The following CSMD2 variants were observed in gnomAD, a reference collection of about 807,000 sequenced individuals.
The protein encoded by CSMD2 is CUB and Sushi multiple domains 2.
A neutral mutation model predicts 398.5 loss-of-function variants in CSMD2; 130 were observed. The observed-to-expected ratio is 0.33, with a 90% CI of 0.28 to 0.38. The LOEUF is 0.38. CSMD2 is among the 10% of genes least tolerant of loss of function. The probability of loss-of-function intolerance (pLI) is 1.00; values close to 1 mark genes in which losing one functional copy is unlikely to be tolerated. For synonymous variants in CSMD2, 1,828 were observed against 1,908.5 expected, an observed-to-expected ratio of 0.96 and a Z score of 1.10; for missense variants, 3,829 against 4,764.9, an observed-to-expected ratio of 0.80 and a Z score of 5.78.
At chr1:33,687,298 G>C (rs1226720800) in intron 25 of CSMD2, among the ~76,000 whole-genome samples, 1 of 152,188 alleles carries the variant, frequency 6.6e-6, no homozygotes, top group East Asian at 1.9e-4. Flanking sequence ...TATTCTCAGG[G>C]ATACAAGATG....
intron 51 of CSMD2, among the ~76,000 whole-genome samples, chr1:33,569,880 G>A (rs976046771): frequency 2.0e-5 from 3 of 152,152 alleles, no homozygotes; most frequent in African/African-American, 4.8e-5. Flanking sequence ...GCGATTCTGT[G>A]GTATGCTCCT....
intron 24 of CSMD2, among the ~76,000 whole-genome samples, chr1:33,698,465 C>T (rs1490734460): frequency 2.6e-5 from 4 of 152,168 alleles, no homozygotes; most frequent in African/African-American, 9.7e-5. Flanking sequence ...TCGCTATCAC[C>T]CGCGTTACAA....
chr1:33,610,914 G>T, intron 41 of CSMD2, 127 bp downstream of exon 41: 2 of 826,110 alleles, frequency 2.4e-6, no homozygotes, highest in Non-Finnish European at 1.9e-6. Context: ...TCCCTGACTG[G>T]GCCTGCCACC....
chr1:33,803,676 G>A (rs1655882244), intron 10 of CSMD2, among the ~76,000 whole-genome samples: 1 of 152,144 alleles, frequency 6.6e-6, no homozygotes, highest in African/African-American at 2.4e-5. Context: ...TCTCTCATCT[G>A]TTTTCCCCTC....
intron 10 of CSMD2, among the ~76,000 whole-genome samples, chr1:33,799,347 A>G (rs897480743): frequency 6.6e-6 from 1 of 152,222 alleles, no homozygotes; most frequent in Non-Finnish European, 1.5e-5. Context: ...CTGGGCTCCC[A>G]GGTACCCCAG....
intron 5 of CSMD2, among the ~76,000 whole-genome samples, chr1:33,895,947 G>A (rs1427038093): frequency 1.3e-5 from 2 of 152,122 alleles, no homozygotes; most frequent in African/African-American, 4.8e-5. Context: ...AGTCCCTGAT[G>A]AGATACCGTC....
chr1:33,750,600 A>G (rs913588141), intron 13 of CSMD2, among the ~76,000 whole-genome samples: 7 of 152,324 alleles, frequency 4.6e-5, no homozygotes, highest in African/African-American at 1.4e-4. Flanking sequence ...AACATATTAT[A>G]AAGCTGTAAT....
chr1:33,625,162 C>A lies in CSMD2; in HGVS notation c.5389G>T (p.Val1797Phe). The A allele has an allele frequency of 6.3e-7, 1 of 1,595,808 alleles. No homozygotes were observed. The highest frequency in any genetic ancestry group is 2.3e-5 in the East Asian group (1 of 44,078). Residue 1797 changes from valine to phenylalanine, a missense_variant, in exon 34 of 71, where the codon GTC (valine) becomes TTC (phenylalanine). Val to Phe is a conservative substitution (Grantham distance 50). This residue lies in a region of CSMD2 where 2,001 missense variants were observed against 2,567.1 expected (regional missense o/e 0.78). Transcript: ENST00000373381. ...LGSDFSVGAIVRFECNSGYAL... is the reference protein window; with the variant it reads ...LGSDFSVGAIFRFECNSGYAL... ...TAGCCGGAGTTGCATTCGAAGCGGA[C>A]GATGGCCCCCACCGAGAAGTCACTG...
chr1:33,823,840 T>C (rs1557953738), intron 7 of CSMD2, among the ~76,000 whole-genome samples: 1 of 152,262 alleles, frequency 6.6e-6, no homozygotes, highest in African/African-American at 2.4e-5. Flanking sequence ...ATTTGCATTC[T>C]TTCATTAGAA....
chr1:34,092,321 G>A (rs552714907), intron 1 of CSMD2, among the ~76,000 whole-genome samples: 27 of 152,106 alleles, frequency 1.8e-4, no homozygotes, highest in Non-Finnish European at 3.5e-4. Flanking sequence ...AATGCAATTC[G>A]GATGAAAAGC....
Position 34,164,463 on chromosome 1 carries a change from GAGGGGGCGCACGGTTCCTCTCCAGCCCCC to G in CSMD2, c.187+419_187+447del, listed in dbSNP as rs1641678253. Reference sequence around the variant, plus strand: ...CAGACCTTGCAGACGCAGAAATGGGGAGGGGGCGCACGGTTCCTCTCCAGCCCCCAGGACCAGCGTGCCTGGCAGAATCA... The same window carrying G: ...CAGACCTTGCAGACGCAGAAATGGGGAGGACCAGCGTGCCTGGCAGAATCA... On this transcript the variant is annotated intron_variant, in intron 1 of 70. Transcript: ENST00000373381. The surrounding 1 kb of genome is among the most constrained non-coding windows in gnomAD (Gnocchi z 6.2). 6.6e-6 allele frequency among the ~76,000 whole-genome samples: 1 copy of G among 152,060 alleles called. No individual in the cohort carries two copies. Among genetic ancestry groups the G allele is most frequent in the East Asian group, 2.0e-4 (1 of 5,126 alleles).
intron 1 of CSMD2, among the ~76,000 whole-genome samples, chr1:34,102,179 C>T (rs1374269381): frequency 7.2e-5 from 11 of 152,152 alleles, no homozygotes; most frequent in Admixed American, 5.2e-4. Context: ...TACAGGTGCC[C>T]GCCACCACGC....
intron 40 of CSMD2, 64 bp downstream of exon 40, chr1:33,614,440 A>G: frequency 1.1e-6 from 1 of 917,890 alleles, no homozygotes; most frequent in Non-Finnish European, 1.8e-6. Flanking sequence ...TTTGGCGGAC[A>G]GTAGTTTTAA....
intron 14 of CSMD2, among the ~76,000 whole-genome samples, chr1:33,741,752 C>T (rs958689502): frequency 2.3e-4 from 35 of 152,114 alleles, no homozygotes; most frequent in Admixed American, 2.2e-3. Context: ...AGTCTGCTGC[C>T]GTCATGATGA....
chr1:34,074,920 C>T (rs1656151149), intron 2 of CSMD2, among the ~76,000 whole-genome samples: 1 of 152,174 alleles, frequency 6.6e-6, no homozygotes, highest in Non-Finnish European at 1.5e-5. Context: ...CATCCCAAGC[C>T]TCCAGATGAG....
At chr1:33,829,789 C>T (rs548410819) in intron 6 of CSMD2, among the ~76,000 whole-genome samples, 14 of 152,276 alleles carry the variant, frequency 9.2e-5, no homozygotes, top group East Asian at 1.9e-4. Flanking sequence ...CGTGGAAAAT[C>T]GGGTCACTCC....
At position 33,622,158 on chromosome 1, in the gene CSMD2, G is replaced by T; in HGVS notation, c.5827+9C>A. ...GAACCCTGTACCAGCCAAGACCCTG[G>T]ATTCTCACTTTTGTACTCCAAGTGG... On this transcript the variant is annotated intron_variant, in intron 37 of 70. Transcript: ENST00000373381. 1 of 1,603,816 alleles carries T rather than the reference G, an allele frequency of 6.2e-7. No individual in the cohort carries two copies. The highest frequency in any genetic ancestry group is 8.5e-7 in the Non-Finnish European group (1 of 1,170,644).
intron 10 of CSMD2, among the ~76,000 whole-genome samples, chr1:33,801,614 G>C (rs923158440): frequency 1.3e-5 from 2 of 152,204 alleles, no homozygotes; most frequent in African/African-American, 4.8e-5. Flanking sequence ...CTGCTTTCAG[G>C]ATGCTCACGA....
intron 5 of CSMD2, among the ~76,000 whole-genome samples, chr1:33,914,278 G>C (rs1220301615): frequency 6.6e-6 from 1 of 152,116 alleles, no homozygotes; most frequent in Non-Finnish European, 1.5e-5. Context: ...TGTGTGTAAG[G>C]GGGGACAGGT....
Sources: gnomAD v4.1 joint callset for allele counts (sites outside exome capture counted in the v4.1 genomes callset) on GRCh38, gnomAD v4.1.1 for gene constraint, gnomAD v4.1.1 regional missense constraint, Gnocchi (gnomAD v3.1) non-coding constraint, MANE v1.5 for transcripts, NCBI Gene and HGNC (gene_info 2026-07-23, HGNC 2026-07-21) for gene names.